The following SLC2A9 variants were observed in gnomAD, a reference collection of about 807,000 sequenced individuals.
SLC2A9 encodes solute carrier family 2, facilitated glucose transporter member 9.
Under a neutral mutation model 50.6 loss-of-function variants are expected in SLC2A9, and 39 were observed. The observed-to-expected ratio is 0.77, with a 90% CI of 0.60 to 1.01. The LOEUF (loss-of-function observed/expected upper bound fraction) is 1.01, where lower values mean the gene tolerates loss of function less well. Among genes scored for constraint, SLC2A9 ranks in the 50% least tolerant of loss-of-function variants. SLC2A9 has a pLI of 0.00. For missense variants in SLC2A9, 686 were observed against 677.6 expected (o/e 1.01, Z -0.14); for synonymous variants, 324 against 276.9 (o/e 1.17, Z -1.69).
At chr4:9,864,821 G>C (rs181361963) in intron 10 of SLC2A9, among the ~76,000 whole-genome samples, 2 of 152,180 alleles carry the variant, frequency 1.3e-5, no homozygotes, top group Non-Finnish European at 2.9e-5. Context: ...GTGTTGTCTC[G>C]CATGGCAAAA....
At chr4:9,897,141 G>A (rs1232884986) in intron 8 of SLC2A9, among the ~76,000 whole-genome samples, 2 of 152,156 alleles carry the variant, frequency 1.3e-5, no homozygotes, top group Admixed American at 6.5e-5. Context: ...TAGGCACTCC[G>A]GCTCCAGAGT....
intron 3 of SLC2A9, among the ~76,000 whole-genome samples, chr4:9,994,358 C>G (rs1343186130): frequency 1.3e-5 from 2 of 152,172 alleles, no homozygotes; most frequent in African/African-American, 2.4e-5. Flanking sequence ...TTCTCCCCAG[C>G]AGAGTTGCTC....
At chr4:9,964,836 C>T (rs1193653864) in intron 5 of SLC2A9, among the ~76,000 whole-genome samples, 2 of 152,134 alleles carry the variant, frequency 1.3e-5, no homozygotes, top group Non-Finnish European at 2.9e-5. Context: ...CTTGCCTCTC[C>T]ATCAACAAGT....
chr4:9,868,439 T>A (rs1732863186), intron 10 of SLC2A9, among the ~76,000 whole-genome samples: 1 of 152,258 alleles, frequency 6.6e-6, no homozygotes, highest in Non-Finnish European at 1.5e-5. Context: ...CCCTTGACTT[T>A]AAAGCATCCA....
Position 9,941,551 on chromosome 4 carries a change from C to T in SLC2A9, c.814+362G>A, listed in dbSNP as rs868276954. The stretch of plus-strand genomic sequence containing the variant: ...GAAGGGAGAAGAAGTGGAAGGAGGG[C>T]CGCCATGCACCTAAGCCACTCAGAA... On this transcript the variant is annotated intron_variant, in intron 6 of 11. Transcript: ENST00000264784. 2.6e-5 allele frequency among the ~76,000 whole-genome samples: 4 copies of T among 152,222 alleles called. No individual in the cohort carries two copies. The South Asian group carries it at 8.3e-4, about 32-fold the overall frequency.
At chr4:9,875,138 A>ACTCTCT (rs1474285810) in intron 10 of SLC2A9, among the ~76,000 whole-genome samples, 1 of 15,590 alleles carries the variant, frequency 6.4e-5, no homozygotes, top group Non-Finnish European at 1.7e-4. Flanking sequence ...GCCATAGGTT[A>ACTCTCT]GTGTCTAAGA....
At chr4:9,871,739 A>T (rs765794426) in intron 10 of SLC2A9, among the ~76,000 whole-genome samples, 3 of 152,242 alleles carry the variant, frequency 2.0e-5, no homozygotes, top group Non-Finnish European at 2.9e-5. Context: ...AACCCATTAC[A>T]GTAGCTAAGA....
At chr4:9,787,217 T>A (rs1022344939) in intron 3 of SLC2A9, among the ~76,000 whole-genome samples, 28 of 152,212 alleles carry the variant, frequency 1.8e-4, no homozygotes, top group Admixed American at 5.2e-4. Context: ...TAATTACACA[T>A]CCATACACCA....
chr4:9,901,268 T>G (rs1420667516), intron 8 of SLC2A9, among the ~76,000 whole-genome samples: 1 of 152,064 alleles, frequency 6.6e-6, no homozygotes, highest in Admixed American at 6.6e-5. Flanking sequence ...ATCTAGTATT[T>G]TAGTGGAGGA....
chr4:9,902,932 G>A (rs746608038), intron 8 of SLC2A9, among the ~76,000 whole-genome samples: 49 of 152,166 alleles, frequency 3.2e-4, no homozygotes, highest in Non-Finnish European at 5.3e-4. Flanking sequence ...TGTTCTCTAT[G>A]CCAAGCACTG....
chr4:9,820,083 C>T (rs1341478436), intron 3 of SLC2A9, among the ~76,000 whole-genome samples: 3 of 152,196 alleles, frequency 2.0e-5, no homozygotes, highest in African/African-American at 7.2e-5. Context: ...AGAATTTCTC[C>T]TAAGTTTTTT....
At chr4:9,839,596 C>T (rs1261228707) in intron 10 of SLC2A9, among the ~76,000 whole-genome samples, 2 of 151,920 alleles carry the variant, frequency 1.3e-5, no homozygotes, top group Admixed American at 1.3e-4. Context: ...CAATGATAGA[C>T]TGGATAAAGA....
intron 10 of SLC2A9, chr4:9,879,036 C>T: frequency 1.0e-6 from 1 of 985,108 alleles, no homozygotes; most frequent in Non-Finnish European, 1.2e-6. Flanking sequence ...AAAATACAAG[C>T]ATTTATTGAG....
At chr4:9,968,437 A>C (rs2108988922) in intron 5 of SLC2A9, among the ~76,000 whole-genome samples, 1 of 152,230 alleles carries the variant, frequency 6.6e-6, no homozygotes, top group Admixed American at 6.5e-5. Flanking sequence ...TCTTCCTCTC[A>C]TTCTAACAGC....
chr4:9,979,001 C>T (rs1231947240), intron 5 of SLC2A9, among the ~76,000 whole-genome samples: 1 of 152,194 alleles, frequency 6.6e-6, no homozygotes, highest in Non-Finnish European at 1.5e-5. Flanking sequence ...GGAGCTGGCC[C>T]TAGAGTCAGT....
intron 11 of SLC2A9, among the ~76,000 whole-genome samples, chr4:9,829,221 T>C (rs1196520406): frequency 2.6e-5 from 4 of 151,970 alleles, no homozygotes; most frequent in Non-Finnish European, 5.9e-5. Context: ...CCGGCCAACA[T>C]TGTGAAACCC....
chr4:10,039,816 C>A (rs1294706540), intron 1 of SLC2A9, among the ~76,000 whole-genome samples: 1 of 152,218 alleles, frequency 6.6e-6, no homozygotes, highest in Non-Finnish European at 1.5e-5. Flanking sequence ...CTGCTCCAAA[C>A]CCTTAGATGG....
downstream of SLC2A9, among the ~76,000 whole-genome samples, chr4:9,823,481 C>T (rs1394712221): frequency 6.7e-6 from 1 of 149,160 alleles, no homozygotes; most frequent in Non-Finnish European, 1.5e-5. Flanking sequence ...ATATGAACAT[C>T]GGGAAAAATG....
At chr4:9,872,819 C>T (rs540104645) in intron 10 of SLC2A9, among the ~76,000 whole-genome samples, 2 of 152,240 alleles carry the variant, frequency 1.3e-5, no homozygotes, top group South Asian at 2.1e-4. Context: ...ATTCTATGCA[C>T]AAAAATGTAC....
Sources: allele counts gnomAD v4.1 joint callset (sites outside exome capture counted in the v4.1 genomes callset), GRCh38; gene constraint gnomAD v4.1.1; transcripts MANE v1.5; gene names NCBI Gene and HGNC (gene_info 2026-07-23, HGNC 2026-07-21).